PDE1A: variants seen among roughly 807,000 people sequenced by gnomAD.
PDE1A encodes the protein dual specificity calcium/calmodulin-dependent 3',5'-cyclic nucleotide phosphodiesterase 1A.
Under a neutral mutation model 61.7 loss-of-function variants are expected in PDE1A, and 35 were observed. The observed-to-expected ratio is 0.57, with a 90% CI of 0.43 to 0.75. The LOEUF is 0.75. Among genes scored for constraint, PDE1A ranks in the 30% least tolerant of loss-of-function variants. The pLI is 0.00. For missense variants in PDE1A, 597 were observed against 630.6 expected, an observed-to-expected ratio of 0.95 and a Z score of 0.57; for synonymous variants, 232 against 213.2, an observed-to-expected ratio of 1.09 and a Z score of -0.77.
chr2:182,415,682 T>C, intron 1 of PDE1A, among the ~76,000 whole-genome samples: 1 of 152,196 alleles, frequency 6.6e-6, no homozygotes, highest in East Asian at 1.9e-4. Flanking sequence ...AATTTTCTAG[T>C]AAGTGTATCA....
chr2:182,437,673 C>G (rs1684523846), intron 2 of PDE1A, among the ~76,000 whole-genome samples: 1 of 151,866 alleles, frequency 6.6e-6, no homozygotes, highest in African/African-American at 2.4e-5. Flanking sequence ...AAGGTTTGAA[C>G]CTGGGACTGC....
chr2:182,695,054 T>G, the PDE1A span, among the ~76,000 whole-genome samples: 1 of 152,124 alleles, frequency 6.6e-6, no homozygotes, highest in African/African-American at 2.4e-5. Flanking sequence ...TTAAAGAATT[T>G]AGAAACTATA....
At chr2:182,288,952 A>C (rs1287028592) in intron 1 of PDE1A, among the ~76,000 whole-genome samples, 1 of 152,068 alleles carries the variant, frequency 6.6e-6, no homozygotes, top group East Asian at 1.9e-4. Flanking sequence ...ATCATTTCAG[A>C]GAGATTTGCC....
upstream of PDE1A, among the ~76,000 whole-genome samples, chr2:182,525,330 G>A (rs543050475): frequency 1.3e-5 from 2 of 151,906 alleles, no homozygotes; most frequent in Non-Finnish European, 2.9e-5. Flanking sequence ...TTTATGCATT[G>A]CTGGTGTTCC....
the PDE1A span, among the ~76,000 whole-genome samples, chr2:182,602,352 G>A: frequency 5.3e-5 from 8 of 152,206 alleles, no homozygotes; most frequent in African/African-American, 1.7e-4. Flanking sequence ...TGATGACAGC[G>A]GTTGTGCTGT....
intron 1 of PDE1A, among the ~76,000 whole-genome samples, chr2:182,396,199 C>T (rs528482857): frequency 5.3e-5 from 8 of 152,316 alleles, no homozygotes; most frequent in Admixed American, 2.6e-4. Context: ...GATAGTTCTG[C>T]ATGACGTGCA....
chr2:182,705,165 T>C, the PDE1A span, among the ~76,000 whole-genome samples: 4 of 152,222 alleles, frequency 2.6e-5, no homozygotes, highest in African/African-American at 9.6e-5. Flanking sequence ...TCATGTATGA[T>C]AATTTTTTAA....
At chr2:182,364,492 A>AAAAAAAAAAC (rs1559379282) in intron 1 of PDE1A, among the ~76,000 whole-genome samples, 11 of 145,130 alleles carry the variant, frequency 7.6e-5, no homozygotes, top group Non-Finnish European at 1.4e-4. Flanking sequence ...AAAAAAAAAA[A>AAAAAAAAAAC]AAAAAAACCT....
At chr2:182,599,040 A>G in the PDE1A span, among the ~76,000 whole-genome samples, 1 of 152,216 alleles carries the variant, frequency 6.6e-6, no homozygotes, top group African/African-American at 2.4e-5. Flanking sequence ...CCATGGAGCC[A>G]GTGAGAGCTC....
At chr2:182,527,330 ATATATATATATATATAT>A (rs1559543452), upstream of PDE1A, among the ~76,000 whole-genome samples, 186 of 7,378 alleles carry the variant, frequency 0.025, 23 homozygotes, top group East Asian at 0.053. Context: ...AAAAAAAAAT[ATATATATATATATATAT>A]ATATATATAT....
chr2:182,276,487 G>A (rs757164983), intron 1 of PDE1A, among the ~76,000 whole-genome samples: 6 of 151,704 alleles, frequency 4.0e-5, no homozygotes, highest in South Asian at 4.2e-4. Flanking sequence ...AATTTCTTAC[G>A]CCTGTCTTAC....
chr2:182,615,861 T>C, the PDE1A span, among the ~76,000 whole-genome samples: 1 of 152,126 alleles, frequency 6.6e-6, no homozygotes, highest in South Asian at 2.1e-4. Context: ...CCCACGTTAA[T>C]CAACCCATGC....
the PDE1A span, among the ~76,000 whole-genome samples, chr2:182,698,674 G>A: frequency 3.3e-5 from 5 of 152,094 alleles, no homozygotes; most frequent in South Asian, 4.1e-4. Context: ...TTATATTAGC[G>A]TGGCAAATAA....
At chr2:182,256,066 A>C (rs1011691473) in intron 2 of PDE1A, among the ~76,000 whole-genome samples, 3 of 68,486 alleles carry the variant, frequency 4.4e-5, no homozygotes, top group Non-Finnish European at 5.7e-5. Flanking sequence ...TTTCTTGTTT[A>C]TTTTTCTTTT....
At chr2:182,144,550 C>T (rs567476753), downstream of PDE1A, among the ~76,000 whole-genome samples, 3 of 152,276 alleles carry the variant, frequency 2.0e-5, no homozygotes, top group South Asian at 6.2e-4. Flanking sequence ...CTCAACACGG[C>T]ACAGATTTAA....
chr2:182,698,586 G>T, the PDE1A span, among the ~76,000 whole-genome samples: 16 of 152,210 alleles, frequency 1.1e-4, no homozygotes, highest in Admixed American at 2.0e-4. Flanking sequence ...TGAATAGAAT[G>T]AGCAGAATAA....
At chr2:182,204,660 CAT>C (rs1429237510) in intron 8 of PDE1A, among the ~76,000 whole-genome samples, 1 of 152,176 alleles carries the variant, frequency 6.6e-6, no homozygotes, top group Non-Finnish European at 1.5e-5. Context: ...ATACAAATAA[CAT>C]ACAAATTATG....
rs574980858 is a variant in PDE1A, at chr2:182,376,073, G to A, written c.53+50505C>T. On this transcript the variant is annotated intron_variant, in intron 1 of 13. Transcript: ENST00000351439. The stretch of plus-strand genomic sequence containing the variant: ...CTAGACCTCCAGGTCTGTAATGGGA[G>A]GGACTGCTGCAAAGATCTTTGATGT... Among the ~76,000 whole-genome samples the A allele has an allele frequency of 5.3e-5, 8 of 152,308 alleles. No homozygotes were observed. The East Asian group carries it at 1.5e-3, about 30-fold the overall frequency.
At chr2:182,298,317 C>G (rs957356861) in intron 1 of PDE1A, among the ~76,000 whole-genome samples, 2 of 152,136 alleles carry the variant, frequency 1.3e-5, no homozygotes, top group African/African-American at 4.8e-5. Flanking sequence ...ACTGTAAACT[C>G]AGGGCAAGGT....
Sources: gnomAD v4.1 joint callset for allele counts (sites outside exome capture counted in the v4.1 genomes callset) on GRCh38, gnomAD v4.1.1 for gene constraint, MANE v1.5 for transcripts, NCBI Gene and HGNC (gene_info 2026-07-23, HGNC 2026-07-21) for gene names.